Variants in CADM1 observed in about 807,000 individuals in gnomAD.
CADM1 encodes the protein cell adhesion molecule 1, also known as TSLC-1.
CADM1 carries 15 observed loss-of-function variants against 53.1 expected under a neutral mutation model. The ratio of observed to expected loss-of-function variants is 0.28; its 90% CI spans 0.19 to 0.44. The LOEUF is 0.44. Among genes scored for constraint, CADM1 ranks in the 20% least tolerant of loss-of-function variants. The pLI, the probability that CADM1 is intolerant of heterozygous loss-of-function variation, is 1.00. For missense variants in CADM1, 434 were observed against 611.3 expected, an observed-to-expected ratio of 0.71 and a Z score of 3.06; for synonymous variants, 281 against 243.0, an observed-to-expected ratio of 1.16 and a Z score of -1.45.
At chr11:115,283,198 C>T (rs1219675903) in intron 1 of CADM1, among the ~76,000 whole-genome samples, 4 of 151,960 alleles carry the variant, frequency 2.6e-5, no homozygotes, top group Admixed American at 2.0e-4. Context: ...GAAAACAGTC[C>T]CTGAAAGAGG....
chr11:115,407,864 C>G (rs1041223381), intron 1 of CADM1, among the ~76,000 whole-genome samples: 9 of 103,078 alleles, frequency 8.7e-5, no homozygotes, highest in South Asian at 6.7e-4. Flanking sequence ...AAAGTAAGAC[C>G]CTGTCATTTA....
At position 115,214,637 on chromosome 11, in the gene CADM1, G is replaced by T. The variant is rs990198534; in HGVS notation, c.965C>A (p.Ala322Asp). The stretch of plus-strand genomic sequence containing the variant: ...TACATACAGCATATAATCCGAGTGA[G>T]CTTTCCCCACTATGTTTGAAGCTTC... Reference protein sequence around the residue: ...RCEASNIVGKAHSDYMLYVYD... With the variant: ...RCEASNIVGKDHSDYMLYVYD... The change falls in exon 7 of 12, where the codon GCT becomes GAT. Residue 322 changes from alanine (A) to aspartate (D), a missense_variant. By Grantham distance (126) the Ala-to-Asp change is moderately radical. Transcript: ENST00000331581. 4 of 1,613,926 alleles carry T rather than the reference G, an allele frequency of 2.5e-6. No homozygotes were observed. The African/African-American group carries it at 4.0e-5, about 16-fold the overall frequency.
chr11:115,285,439 G>A (rs1320989695), intron 1 of CADM1, among the ~76,000 whole-genome samples: 1 of 152,198 alleles, frequency 6.6e-6, no homozygotes, highest in Non-Finnish European at 1.5e-5. Context: ...TTTTAAGTGA[G>A]GAAGCTGAGG....
chr11:115,361,074 T>G (rs898365274), intron 1 of CADM1, among the ~76,000 whole-genome samples: 5 of 152,178 alleles, frequency 3.3e-5, no homozygotes, highest in Admixed American at 3.3e-4. Flanking sequence ...AATGCCCTAC[T>G]TCTTGATCTC....
In CADM1 at chr11:115,391,320, C is replaced by T. The variant is rs78226482; in HGVS notation, c.124+112951G>A. On this transcript the variant is annotated intron_variant, in intron 1 of 11. Transcript: ENST00000331581. ...CTGGTTTACCACTATTTCTTCTTTA[C>T]ATTCATGTTCTTTATCAGCAAAACG... Among the ~76,000 whole-genome samples, 1,178 of 152,354 alleles carry T rather than the reference C, an allele frequency of 7.7e-3. 6 individuals are homozygous for T. The highest frequency in any genetic ancestry group is 0.02 in the Middle Eastern group (6 of 294).
chr11:115,311,535 A>C (rs960707732), intron 1 of CADM1, among the ~76,000 whole-genome samples: 1 of 152,092 alleles, frequency 6.6e-6, no homozygotes, highest in Non-Finnish European at 1.5e-5. Flanking sequence ...TATATTTGCC[A>C]TTCATGTTTG....
In CADM1 at chr11:115,370,391, G is replaced by C. The variant is rs139473404; in HGVS notation, c.125-129971C>G. ...TGTTGAAGTCCTAAGCCCTGACGAG[G>C]GGGTATTTGGAGTCAGTCCCTTTGC... On this transcript the variant is annotated intron_variant, in intron 1 of 11. Transcript: ENST00000331581. Among the ~76,000 whole-genome samples, 290 of 152,244 alleles carry C rather than the reference G, an allele frequency of 1.9e-3. 2 individuals carry two copies. The highest frequency in any genetic ancestry group is 6.7e-3 in the African/African-American group (279 of 41,554).
At chr11:115,460,627 T>C (rs575310619) in intron 1 of CADM1, among the ~76,000 whole-genome samples, 1 of 152,280 alleles carries the variant, frequency 6.6e-6, no homozygotes, top group Non-Finnish European at 1.5e-5. Context: ...CAAAAGTTAT[T>C]TATTGAGTAA....
intron 1 of CADM1, among the ~76,000 whole-genome samples, chr11:115,347,963 A>G (rs1342984857): frequency 1.3e-5 from 2 of 152,208 alleles, no homozygotes; most frequent in African/African-American, 4.8e-5. Flanking sequence ...TAAGGCGAAC[A>G]TATGATATAA....
At chr11:115,294,762 G>A (rs527929127) in intron 1 of CADM1, among the ~76,000 whole-genome samples, 7 of 104 alleles carry the variant, frequency 0.067, no homozygotes, top group South Asian at 0.5. Flanking sequence ...TCAGCTGGGC[G>A]CAGTGCTCAC....
In CADM1 at chr11:115,354,710, A is replaced by G. The variant is rs368566013; in HGVS notation, c.125-114290T>C. 5.9e-5 allele frequency among the ~76,000 whole-genome samples: 9 copies of G among 152,322 alleles called. No individual in the cohort carries two copies. The East Asian group carries it at 1.7e-3, about 29-fold the overall frequency. ...AGAGCCAAGTTTATGTATATCACAT[A>G]TATCTCTGAAAACTATAGGACTATA... is the stretch of plus-strand genomic sequence containing the variant. On this transcript the variant is annotated intron_variant, in intron 1 of 11. Transcript: ENST00000331581.
At chr11:115,437,286 C>T (rs560969475) in intron 1 of CADM1, among the ~76,000 whole-genome samples, 2 of 152,076 alleles carry the variant, frequency 1.3e-5, no homozygotes, top group Non-Finnish European at 2.9e-5. Flanking sequence ...CTTTCTTGGT[C>T]TGAAAAGGAA....
chr11:115,503,446 C>CGCCGAAAGAACGGGCA (rs1304865521), intron 1 of CADM1, among the ~76,000 whole-genome samples: 3 of 152,272 alleles, frequency 2.0e-5, no homozygotes, highest in Middle Eastern at 3.4e-3. Context: ...ACCCTCGGGC[C>CGCCGAAAGAACGGGCA]GCCGAAAGAA....
intron 1 of CADM1, among the ~76,000 whole-genome samples, chr11:115,366,598 G>A (rs904281414): frequency 4.6e-5 from 7 of 152,134 alleles, no homozygotes; most frequent in Non-Finnish European, 2.9e-5. Flanking sequence ...TTCCAAATCT[G>A]TGTGATGTAA....
intron 1 of CADM1, among the ~76,000 whole-genome samples, chr11:115,281,152 T>C (rs1460668423): frequency 6.6e-6 from 1 of 152,230 alleles, no homozygotes; most frequent in Non-Finnish European, 1.5e-5. Flanking sequence ...AACCACACTG[T>C]ATCTTTTTGC....
At chr11:115,428,005 CAAAAAAAAAA>C (rs66872817) in intron 1 of CADM1, among the ~76,000 whole-genome samples, 3 of 54,054 alleles carry the variant, frequency 5.6e-5, no homozygotes, top group Middle Eastern at 0.021. Context: ...GACTCCATCT[CAAAAAAAAAA>C]AAAAAAAAAA....
intron 1 of CADM1, among the ~76,000 whole-genome samples, chr11:115,413,881 G>T (rs1160731891): frequency 1.3e-5 from 2 of 152,022 alleles, no homozygotes; most frequent in Non-Finnish European, 2.9e-5. Flanking sequence ...CTGGCTTCAT[G>T]ATCCACCCGC....
intron 1 of CADM1, among the ~76,000 whole-genome samples, chr11:115,293,933 G>T (rs775113902): frequency 2.6e-5 from 4 of 152,062 alleles, no homozygotes; most frequent in Admixed American, 6.5e-5. Context: ...GAACTCACAG[G>T]GTTCAGATTC....
chr11:115,402,621 G>C (rs770861301), intron 1 of CADM1, among the ~76,000 whole-genome samples: 1 of 152,108 alleles, frequency 6.6e-6, no homozygotes, highest in Admixed American at 6.6e-5. Flanking sequence ...GACATAAACA[G>C]GGAGTATACA....
Sources: gnomAD v4.1 joint callset for allele counts (sites outside exome capture counted in the v4.1 genomes callset) on GRCh38, gnomAD v4.1.1 for gene constraint, MANE v1.5 for transcripts, NCBI Gene and HGNC (gene_info 2026-07-23, HGNC 2026-07-21) for gene names.